Variants in LUC7L2 observed in about 807,000 individuals in gnomAD.
The protein encoded by LUC7L2 is putative RNA-binding protein Luc7-like 2.
In LUC7L2, 25 loss-of-function variants were observed where a neutral mutation model predicts 52.8. That is an observed-to-expected ratio of 0.47 (90% CI 0.34 to 0.66). The LOEUF (loss-of-function observed/expected upper bound fraction) is 0.66, where lower values mean the gene tolerates loss of function less well. Among genes scored for constraint, LUC7L2 ranks in the 30% least tolerant of loss-of-function variants. The pLI is 0.01. For synonymous variants in LUC7L2, 144 were observed against 160.9 expected, an observed-to-expected ratio of 0.89 and a Z score of 0.80; for missense variants, 328 against 497.8, an observed-to-expected ratio of 0.66 and a Z score of 3.25.
chr7:139,365,498 C>T (rs371756725), intron 1 of LUC7L2, among the ~76,000 whole-genome samples: 1 of 152,046 alleles, frequency 6.6e-6, no homozygotes, highest in African/African-American at 2.4e-5. Context: ...CATGAGGTGT[C>T]ATGGATCAAG....
intron 1 of LUC7L2, chr7:139,341,210 TG>T: frequency 8.4e-7 from 1 of 1,186,456 alleles, no homozygotes; most frequent in Non-Finnish European, 1.1e-6. Flanking sequence ...ACGGCGCCCC[TG>T]GGCCTTCGAT....
At chr7:139,387,974 C>T (rs1019386256) in intron 2 of LUC7L2, among the ~76,000 whole-genome samples, 1 of 152,058 alleles carries the variant, frequency 6.6e-6, no homozygotes, top group African/African-American at 2.4e-5. Flanking sequence ...CCTTTCTTTC[C>T]CTCGCATGCT....
At chr7:139,374,920 C>T (rs768406608) in intron 1 of LUC7L2, 40 of 991,148 alleles carry the variant, frequency 4.0e-5, no homozygotes, top group Admixed American at 6.0e-5. Flanking sequence ...ACATCCTACA[C>T]GAAAGTTTTT....
chr7:139,405,822 A>C, intron 5 of LUC7L2, 35 bp downstream of exon 5: 1 of 1,560,936 alleles, frequency 6.4e-7, no homozygotes, highest in Non-Finnish European at 8.6e-7. Flanking sequence ...AATTCTGCTT[A>C]ATTTGGTAAG....
At chr7:139,387,816 CATT>C (rs1434985869) in intron 2 of LUC7L2, among the ~76,000 whole-genome samples, 1 of 152,060 alleles carries the variant, frequency 6.6e-6, no homozygotes, top group Non-Finnish European at 1.5e-5. Context: ...GCAGTAGTGT[CATT>C]ATAGCTCACT....
At chr7:139,380,492 C>T (rs1436401471) in intron 2 of LUC7L2, among the ~76,000 whole-genome samples, 3 of 151,804 alleles carry the variant, frequency 2.0e-5, no homozygotes, top group Non-Finnish European at 4.4e-5. Context: ...TCCAGCTGCT[C>T]GGGAGGCTGA....
At chr7:139,406,729 T>G (rs375273333) in intron 5 of LUC7L2, among the ~76,000 whole-genome samples, 1 of 152,198 alleles carries the variant, frequency 6.6e-6, no homozygotes, top group East Asian at 1.9e-4. Flanking sequence ...AAGTTGTATT[T>G]ATTGATATAA....
intron 2 of LUC7L2, among the ~76,000 whole-genome samples, chr7:139,389,920 C>T (rs1212692633): frequency 6.6e-6 from 1 of 152,128 alleles, no homozygotes; most frequent in Non-Finnish European, 1.5e-5. Flanking sequence ...CTTGAGAAAA[C>T]AGAAGTTCAG....
At chr7:139,384,321 A>G (rs376322541) in intron 2 of LUC7L2, among the ~76,000 whole-genome samples, 1 of 152,038 alleles carries the variant, frequency 6.6e-6, no homozygotes, top group Non-Finnish European at 1.5e-5. Flanking sequence ...GCTGGAGTGC[A>G]GTGGCGTGAT....
At chr7:139,388,439 T>A (rs1794299805) in intron 2 of LUC7L2, among the ~76,000 whole-genome samples, 1 of 152,046 alleles carries the variant, frequency 6.6e-6, no homozygotes, top group African/African-American at 2.4e-5. Flanking sequence ...CAGCGTTATG[T>A]ATGCACAATG....
At chr7:139,408,175 A>G (rs1795201313) in intron 6 of LUC7L2, among the ~76,000 whole-genome samples, 1 of 152,204 alleles carries the variant, frequency 6.6e-6, no homozygotes, top group Non-Finnish European at 1.5e-5. Context: ...GGACATCTCC[A>G]TATTCTCAGG....
intron 1 of LUC7L2, among the ~76,000 whole-genome samples, chr7:139,340,797 C>T (rs1219010869): frequency 6.6e-6 from 1 of 151,982 alleles, no homozygotes; most frequent in Non-Finnish European, 1.5e-5. Flanking sequence ...TCCTTTTTTC[C>T]CCTTTCTAAA....
At chr7:139,398,763 A>G in intron 3 of LUC7L2, 66 bp downstream of exon 3, 1 of 1,474,364 alleles carries the variant, frequency 6.8e-7, no homozygotes, top group South Asian at 1.2e-5. Context: ...ATGTGGATTA[A>G]GATCTCTTAA....
chr7:139,360,364 G>A, intron 1 of LUC7L2, 42 bp downstream of exon 1: 3 of 1,532,180 alleles, frequency 2.0e-6, no homozygotes, highest in Non-Finnish European at 2.6e-6. Flanking sequence ...GAGGGGACGG[G>A]GACGGCGAAG....
chr7:139,359,734 G>T (rs1007823170), upstream of LUC7L2: 1 of 400,040 alleles, frequency 2.5e-6, no homozygotes, highest in African/African-American at 2.1e-5. Flanking sequence ...AGGAACCAGA[G>T]TATCGCGAGA....
At chr7:139,350,150 C>T (rs555855702) in intron 1 of LUC7L2, among the ~76,000 whole-genome samples, 9 of 151,864 alleles carry the variant, frequency 5.9e-5, no homozygotes, top group Non-Finnish European at 1.2e-4. Context: ...GAGACGGAGT[C>T]TCGCTCTGTG....
At chr7:139,415,960 T>C (rs78899441) in intron 8 of LUC7L2, among the ~76,000 whole-genome samples, 2,564 of 148,376 alleles carry the variant, frequency 0.017, 80 homozygotes, top group African/African-American at 0.06. Context: ...ATAATATGAT[T>C]TTGAACTTGC....
intron 6 of LUC7L2, among the ~76,000 whole-genome samples, chr7:139,409,312 A>C (rs944155047): frequency 9.3e-5 from 14 of 151,194 alleles, no homozygotes; most frequent in East Asian, 3.9e-4. Context: ...AAAAAAAAAA[A>C]CAAAAAAAAA....
chr7:139,369,878 A>G (rs1358940185), intron 1 of LUC7L2, among the ~76,000 whole-genome samples: 1 of 152,206 alleles, frequency 6.6e-6, no homozygotes, highest in Non-Finnish European at 1.5e-5. Context: ...GAAGATTAAG[A>G]AGGATAGCTT....
Sources: gnomAD v4.1 joint callset for allele counts (sites outside exome capture counted in the v4.1 genomes callset) on GRCh38, gnomAD v4.1.1 for gene constraint, MANE v1.5 for transcripts, NCBI Gene and HGNC (gene_info 2026-07-23, HGNC 2026-07-21) for gene names.